NLRP4: variants seen among roughly 807,000 people sequenced by gnomAD.
NLRP4 encodes the protein NLR family pyrin domain containing 4, also known as NACHT, LRR and PYD domains-containing protein 4.
Under a neutral mutation model 84.7 loss-of-function variants are expected in NLRP4, and 44 were observed. That is an observed-to-expected ratio of 0.52 (90% CI 0.41 to 0.67). The LOEUF (loss-of-function observed/expected upper bound fraction) is 0.67. NLRP4 is among the 30% of genes least tolerant of loss of function. The pLI is 0.00. For missense variants in NLRP4, 1,260 were observed against 1,219.4 expected, an observed-to-expected ratio of 1.03 and a Z score of -0.50; for synonymous variants, 544 against 476.4, an observed-to-expected ratio of 1.14 and a Z score of -1.85.
intron 1 of NLRP4, among the ~76,000 whole-genome samples, chr19:55,838,887 A>C (rs189391502): frequency 6.6e-6 from 1 of 152,288 alleles, no homozygotes; most frequent in East Asian, 1.9e-4. Flanking sequence ...CTTACACTTA[A>C]TGGACTTTTT....
At chr19:55,872,903 G>A (rs1469538207) in intron 7 of NLRP4, among the ~76,000 whole-genome samples, 1 of 152,066 alleles carries the variant, frequency 6.6e-6, no homozygotes, top group East Asian at 1.9e-4. Flanking sequence ...TTTAACAAGG[G>A]GCTGGGAGCT....
intron 8 of NLRP4, among the ~76,000 whole-genome samples, chr19:55,877,382 T>C: frequency 6.6e-6 from 1 of 152,170 alleles, no homozygotes; most frequent in Admixed American, 6.5e-5. Flanking sequence ...CTCAGCCAGG[T>C]GTGCTTAGGA....
At chr19:55,867,326 G>GCA (rs1489065527) in intron 5 of NLRP4, among the ~76,000 whole-genome samples, 1 of 148,836 alleles carries the variant, frequency 6.7e-6, no homozygotes. Context: ...CTGAGACTGT[G>GCA]TCTCAGGTTG....
Position 55,858,485 on chromosome 19 carries a change from C to G in NLRP4, c.1092C>G (p.Thr364=), listed in dbSNP as rs377419046. The G allele has an allele frequency of 3.0e-5, 48 of 1,614,106 alleles. No individual in the cohort carries two copies. In the African/African-American group the frequency reaches 5.2e-4, roughly 17 times the overall value. Residue 364 remains threonine, a synonymous_variant, in exon 3 of 10, where the codon ACC becomes ACG. Transcript: ENST00000301295. This position sits in a 1 kb window ranked among gnomAD's most constrained non-coding sequence, Gnocchi z 4.2. ...EMQKGKDLAL[T]CQSTTSVYSS... is the part of the protein sequence containing the mutation. ...AGAAAGGAAAAGACCTGGCCCTGAC[C>G]TGCCAGAGCACTACCTCTGTGTACT...
intron 2 of NLRP4, among the ~76,000 whole-genome samples, chr19:55,855,995 G>A (rs1042864745): frequency 6.6e-6 from 1 of 152,190 alleles, no homozygotes; most frequent in African/African-American, 2.4e-5. Flanking sequence ...AATGACCACA[G>A]CAACTGGTTT....
Position 55,857,879 on chromosome 19 carries a change from G to T in NLRP4, c.486G>T (p.Thr162=). The change falls in exon 3 of 10, where the codon ACG becomes ACT. Residue 162 remains threonine (T), a synonymous_variant. Transcript: ENST00000301295. ...IIQGPQGIGK[T]TLLMKLMMAW... is the part of the protein sequence containing the mutation. ...AAGGACCACAAGGAATTGGAAAAAC[G>T]ACACTCCTGATGAAGCTGATGATGG... 1 of 1,614,100 alleles carries T rather than the reference G, an allele frequency of 6.2e-7. No homozygotes were observed. The highest frequency in any genetic ancestry group is 2.2e-5 in the East Asian group (1 of 44,878).
rs776804238 is a variant in NLRP4 at position 55,862,019 on chromosome 19, G to C, written c.2046G>C (p.Gln682His). Residue 682 changes from glutamine (Q) to histidine (H), a missense_variant, in exon 5 of 10, where the codon CAG (glutamine) becomes CAC (histidine). Physicochemically the swap from Gln to His is conservative, Grantham distance 24 (BLOSUM62 0). Coordinates refer to ENST00000301295, the MANE Select transcript of NLRP4 (RefSeq NM_134444.5). ...TAAATAACGTTTCCTTTTCTGGCCA[G>C]AGTGTTCTGCTCTTTGAGGTGCTCT... ...LGINNVSFSGQSVLLFEVLFY... is the reference protein window; with the variant it reads ...LGINNVSFSGHSVLLFEVLFY... 2.7e-5 allele frequency: 43 copies of C among 1,613,896 alleles called. No homozygotes were observed. In the South Asian group the frequency reaches 4.5e-4, roughly 17 times the overall value.
Position 55,858,382 on chromosome 19 carries a change from A to C in NLRP4, c.989A>C (p.Glu330Ala). Reference sequence around the variant, plus strand: ...ATGGAAGCCTTCAATCTTGTAAGAGAAAGTGAACAGCTGTTTTCCATATGC... The same window carrying C: ...ATGGAAGCCTTCAATCTTGTAAGAGCAAGTGAACAGCTGTTTTCCATATGC... ...RAMEAFNLVR[E>A]SEQLFSICQI... Residue 330 changes from glutamate to alanine, a missense_variant, in exon 3 of 10, where the codon GAA becomes GCA. Physicochemically the swap from Glu to Ala is moderately radical, Grantham distance 107 (BLOSUM62 -1). This residue lies in a region of NLRP4 where 712 missense variants were observed against 669.2 expected (regional missense o/e 1.06). Transcript: ENST00000301295. This position sits in a 1 kb window ranked among gnomAD's most constrained non-coding sequence, Gnocchi z 4.2. 6.2e-7 allele frequency: 1 copy of C among 1,614,194 alleles called. No homozygotes were observed. The highest frequency in any genetic ancestry group is 1.6e-4 in the Middle Eastern group (1 of 6,062).
intron 2 of NLRP4, among the ~76,000 whole-genome samples, chr19:55,854,365 T>A (rs1173125781): frequency 6.6e-6 from 1 of 152,198 alleles, no homozygotes; most frequent in Non-Finnish European, 1.5e-5. Context: ...CATCTTCTAT[T>A]TTATTGAGCA....
intron 1 of NLRP4, among the ~76,000 whole-genome samples, chr19:55,850,729 C>A (rs542873647): frequency 1.4e-5 from 2 of 138,616 alleles, no homozygotes; most frequent in Non-Finnish European, 3.0e-5. Context: ...GGTGTACTTT[C>A]CGAGGCTGCG....
intron 3 of NLRP4, among the ~76,000 whole-genome samples, chr19:55,859,940 A>AAAC (rs1568666192): frequency 2.1e-4 from 30 of 140,214 alleles, no homozygotes; most frequent in African/African-American, 8.0e-4. Flanking sequence ...AAAAAAAAAA[A>AAAC]AAAAAAAAAA....
intron 1 of NLRP4, among the ~76,000 whole-genome samples, chr19:55,844,207 G>C (rs1280990599): frequency 1.3e-5 from 2 of 152,074 alleles, no homozygotes; most frequent in Non-Finnish European, 2.9e-5. Flanking sequence ...GGTGTGCTTT[G>C]GTTAGTAAGT....
chr19:55,861,758 T>C (rs914419828), intron 4 of NLRP4, among the ~76,000 whole-genome samples: 1 of 152,324 alleles, frequency 6.6e-6, no homozygotes. Flanking sequence ...ATCCCTGGTC[T>C]CTACCCTCTA....
At chr19:55,854,220 C>T (rs896802999) in intron 2 of NLRP4, among the ~76,000 whole-genome samples, 1 of 152,150 alleles carries the variant, frequency 6.6e-6, no homozygotes, top group African/African-American at 2.4e-5. Context: ...GATCTGCACA[C>T]CTCAGCCTCT....
intron 2 of NLRP4, among the ~76,000 whole-genome samples, chr19:55,856,671 A>G (rs1014416370): frequency 2.4e-4 from 37 of 151,498 alleles, no homozygotes; most frequent in Non-Finnish European, 4.3e-4. Flanking sequence ...ACACACCACC[A>G]CGCCCGGCTA....
chr19:55,876,334 G>A (rs1461241359), intron 7 of NLRP4, among the ~76,000 whole-genome samples: 1 of 152,090 alleles, frequency 6.6e-6, no homozygotes, highest in East Asian at 1.9e-4. Flanking sequence ...AGATGCTCAA[G>A]TTCCTAATGT....
intron 1 of NLRP4, among the ~76,000 whole-genome samples, chr19:55,844,852 G>C (rs1373055748): frequency 6.6e-6 from 1 of 152,012 alleles, no homozygotes; most frequent in Non-Finnish European, 1.5e-5. Context: ...TTTTGTGGTG[G>C]TAGTGGTGGT....
rs1984792602 is a variant in NLRP4, at chr19:55,862,242, A to ATTGAGACCACTGACTG, written c.2186+83_2186+84insTTGAGACCACTGACTG. ...TCTCCGTTTATTGAGACCACTGATT[A>ATTGAGACCACTGACTG]GGTTTCAGAGAAAACTATAGCATAA... is the stretch of plus-strand genomic sequence containing the variant. On this transcript the variant is annotated intron_variant, in intron 5 of 9. Transcript: ENST00000301295. The ATTGAGACCACTGACTG allele has an allele frequency of 1.4e-5, 5 of 362,866 alleles. 2 individuals are homozygous for ATTGAGACCACTGACTG. The highest frequency in any genetic ancestry group is 1.0e-4 in the South Asian group (2 of 19,248). The allele number at this position is 362,866 out of a possible 1,614,324, so 22.5% of individuals were successfully genotyped here. A position where few individuals can be genotyped will look rare whatever the true frequency, so the allele number is the denominator to read the frequency against.
intron 1 of NLRP4, among the ~76,000 whole-genome samples, chr19:55,839,206 A>G (rs542548220): frequency 1.3e-5 from 2 of 151,868 alleles, no homozygotes; most frequent in Non-Finnish European, 2.9e-5. Context: ...TTCAACTCAC[A>G]CTTCTGTGTG....
Sources: allele counts gnomAD v4.1 joint callset (sites outside exome capture counted in the v4.1 genomes callset), GRCh38; gene constraint gnomAD v4.1.1; regional missense constraint gnomAD v4.1.1; non-coding constraint Gnocchi (gnomAD v3.1); transcripts MANE v1.5; gene names NCBI Gene and HGNC (gene_info 2026-07-23, HGNC 2026-07-21).